The following DFFB variants were observed in gnomAD, a reference collection of about 807,000 sequenced individuals.
DFFB encodes DNA fragmentation factor 40 kDa subunit.
A neutral mutation model predicts 32.7 loss-of-function variants in DFFB; 29 were observed. The observed-to-expected ratio is 0.89, with a 90% CI of 0.66 to 1.21. DFFB has a LOEUF of 1.21. Ranked by LOEUF, DFFB falls within the 50% of genes most tolerant of loss-of-function variation. The pLI, the probability that DFFB is intolerant of heterozygous loss-of-function variation, is 0.00. For synonymous variants in DFFB, 170 were observed against 177.1 expected, an observed-to-expected ratio of 0.96 and a Z score of 0.32; for missense variants, 398 against 440.6, an observed-to-expected ratio of 0.90 and a Z score of 0.87.
chr1:3,883,291 C>T (rs1048486066), intron 6 of DFFB, among the ~76,000 whole-genome samples: 3 of 152,206 alleles, frequency 2.0e-5, no homozygotes, highest in Admixed American at 2.0e-4. Context: ...AGGCGTGAGC[C>T]GCCGTGCCCG....
chr1:3,859,299 T>C (rs947218206), intron 2 of DFFB, among the ~76,000 whole-genome samples: 5 of 152,122 alleles, frequency 3.3e-5, no homozygotes, highest in African/African-American at 1.2e-4. Context: ...GATGCTGTCC[T>C]CAGGGCTCAA....
chr1:3,883,543 G>A lies in DFFB; in HGVS notation c.819G>A (p.Val273=), dbSNP rs777915279. ...EKKRTIIPTL[V]EAIKEQDGRE... is the part of the protein sequence containing the mutation. ...AACGCACCATCATTCCTACACTGGT[G>A]GAAGCAATTAAGGAACAAGATGGAA... The change falls in exon 7 of 7, where the codon GTG becomes GTA. Residue 273 remains valine (V), a synonymous_variant. Transcript: ENST00000378209. The A allele has an allele frequency of 6.8e-6, 11 of 1,614,086 alleles. No individual in the cohort carries two copies. The highest frequency in any genetic ancestry group is 9.3e-6 in the Non-Finnish European group (11 of 1,180,038).
intron 4 of DFFB, 52 bp from the exon 5 acceptor site, chr1:3,869,553 G>A: frequency 5.1e-6 from 8 of 1,555,470 alleles, no homozygotes; most frequent in East Asian, 2.3e-5. Context: ...GAGCCAGTGC[G>A]GGTTTTGGGG....
At position 3,872,587 on chromosome 1, in the gene DFFB, C is replaced by A; in HGVS notation, c.782+15C>A. 1 of 1,579,932 alleles carries A rather than the reference C, an allele frequency of 6.3e-7. No homozygotes were observed. ...CTGGATCACATGTAAGCTCACAGAGCGAGGTTCAGACCCACGAGTGCCTGC... is the reference window on the plus strand; with the variant it reads ...CTGGATCACATGTAAGCTCACAGAGAGAGGTTCAGACCCACGAGTGCCTGC... On this transcript the variant is annotated intron_variant, in intron 6 of 6. Coordinates refer to ENST00000378209, the MANE Select transcript of DFFB (RefSeq NM_004402.4).
intron 6 of DFFB, among the ~76,000 whole-genome samples, chr1:3,874,304 G>C: frequency 8.0e-6 from 1 of 124,478 alleles, no homozygotes; most frequent in African/African-American, 3.2e-5. Context: ...TACCACACGC[G>C]TGTGGGTTTA....
At position 3,885,256 on chromosome 1, in the gene DFFB, TAC is replaced by T. The variant is rs1638348681; in HGVS notation, c.*1517_*1518del. 1 of 152,190 alleles carries T rather than the reference TAC, an allele frequency of 6.6e-6. No homozygotes were observed. The highest frequency in any genetic ancestry group is 1.5e-5 in the Non-Finnish European group (1 of 68,022). 9.4% of individuals were successfully genotyped at this position (152,190 alleles called of 1,614,324 possible). Reference sequence around the variant, plus strand: ...GGGGGATACGGGGGTTGGGCTAGATTACAGAGGGCTCATTTTCTACGTCATGT... The same window carrying T: ...GGGGGATACGGGGGTTGGGCTAGATTAGAGGGCTCATTTTCTACGTCATGT... On this transcript the variant is annotated 3_prime_UTR_variant, in exon 7 of 7. Coordinates refer to ENST00000378209, the MANE Select transcript of DFFB (RefSeq NM_004402.4).
chr1:3,861,388 A>G (rs1644877967), intron 2 of DFFB, among the ~76,000 whole-genome samples: 1 of 152,126 alleles, frequency 6.6e-6, no homozygotes, highest in South Asian at 2.1e-4. Context: ...ACTATTACAA[A>G]TGAAGCTGCT....
At chr1:3,869,412 A>AT (rs1295165192) in intron 4 of DFFB, among the ~76,000 whole-genome samples, 193 bp from the exon 5 acceptor site, 1 of 152,112 alleles carries the variant, frequency 6.6e-6, no homozygotes. Context: ...GGTTCCCTCC[A>AT]TTTCACAGGT....
rs773935452 is a variant in DFFB, at chr1:3,857,722, C to A, written c.114+5C>A. 5 of 1,516,252 alleles carry A rather than the reference C, an allele frequency of 3.3e-6. No individual in the cohort carries two copies. The East Asian group carries it at 1.0e-4, about 31-fold the overall frequency. The allele number at this position is 1,516,252 out of a possible 1,614,324, so 93.9% of individuals were successfully genotyped here. On this transcript the variant is annotated splice_donor_5th_base_variant and intron_variant, in intron 1 of 6. Transcript: ENST00000378209. ...AAGGGCTGTCTCCGCTTCCAGGTGC[C>A]CGCTGGGCTAGGCGGGGACGGCCCG...
chr1:3,880,959 C>T (rs1156461722), intron 6 of DFFB, among the ~76,000 whole-genome samples: 2 of 152,204 alleles, frequency 1.3e-5, no homozygotes, highest in South Asian at 4.1e-4. Flanking sequence ...GGGCCGTACA[C>T]CCTGCGTTCT....
chr1:3,860,518 T>C (rs1292361457), intron 2 of DFFB: 1 of 419,210 alleles, frequency 2.4e-6, no homozygotes, highest in Non-Finnish European at 4.9e-6. Context: ...TATGAGCCAC[T>C]GTGCCTGGCC....
chr1:3,869,697 G>A lies in DFFB; in HGVS notation c.603G>A (p.Gln201=), dbSNP rs1645072536. 1.2e-6 allele frequency: 2 copies of A among 1,613,182 alleles called. No individual in the cohort carries two copies. Among genetic ancestry groups the A allele is most frequent in the Non-Finnish European group, 1.7e-6 (2 of 1,179,660 alleles). Reference sequence around the variant, plus strand: ...TGTGCCAGAGGCTCCGGTCCATGCAGTACAATGGCAGCTACTTCGACAGAG... The same window carrying A: ...TGTGCCAGAGGCTCCGGTCCATGCAATACAATGGCAGCTACTTCGACAGAG... ...GSMCQRLRSM[Q]YNGSYFDRGA... Residue 201 remains glutamine (Q), a synonymous_variant, in exon 5 of 7, where the codon CAG becomes CAA. Coordinates refer to ENST00000378209, the MANE Select transcript of DFFB (RefSeq NM_004402.4).
chr1:3,869,250 G>T (rs1027700921), intron 4 of DFFB, among the ~76,000 whole-genome samples: 2 of 152,198 alleles, frequency 1.3e-5, no homozygotes, highest in African/African-American at 4.8e-5. Context: ...TAGTAGAAAT[G>T]GGGTTTCACC....
Position 3,857,663 on chromosome 1 carries a change from C to A in DFFB, c.60C>A (p.Gly20=). 1 of 1,597,140 alleles carries A rather than the reference C, an allele frequency of 6.3e-7. No homozygotes were observed. Among genetic ancestry groups the A allele is most frequent in the Non-Finnish European group, 8.5e-7 (1 of 1,172,548 alleles). The change falls in exon 1 of 7, where the codon GGC becomes GGA. Residue 20 remains glycine, a synonymous_variant. Transcript: ENST00000378209. ...LRALRSPRKF[G]VAGRSCQEVL... ...CCCTGCGCAGCCCGAGGAAGTTCGGCGTGGCTGGCCGGAGCTGCCAGGAGG... is the reference window on the plus strand; with the variant it reads ...CCCTGCGCAGCCCGAGGAAGTTCGGAGTGGCTGGCCGGAGCTGCCAGGAGG...
At position 3,865,564 on chromosome 1, in the gene DFFB, T is replaced by C. The variant is rs1644960386; in HGVS notation, c.242-248T>C. ...AAATGGGAAAGCGGCCGTCTCTTGGTGCGCTTTCATCTGTCCTCTAAAGCA... is the reference window on the plus strand; with the variant it reads ...AAATGGGAAAGCGGCCGTCTCTTGGCGCGCTTTCATCTGTCCTCTAAAGCA... On this transcript the variant is annotated intron_variant, in intron 2 of 6. Coordinates refer to ENST00000378209, the MANE Select transcript of DFFB (RefSeq NM_004402.4). This position sits in a 1 kb window ranked among gnomAD's most constrained non-coding sequence, Gnocchi z 4.7. 4 of 612,890 alleles carry C rather than the reference T, an allele frequency of 6.5e-6. No individual in the cohort carries two copies. Among genetic ancestry groups the C allele is most frequent in the South Asian group, 5.8e-5 (3 of 51,764 alleles). The allele number at this position is 612,890 out of a possible 1,614,324, so 38.0% of individuals were successfully genotyped here.
chr1:3,877,760 C>T (rs536510158), intron 6 of DFFB, among the ~76,000 whole-genome samples: 55 of 152,256 alleles, frequency 3.6e-4, no homozygotes, highest in African/African-American at 1.1e-3. Flanking sequence ...GCCTGCCTTT[C>T]GTTGTGGTCT....
intron 3 of DFFB, 125 bp from the exon 4 acceptor site, chr1:3,867,849 T>A (rs1645014634): frequency 3.6e-6 from 3 of 825,002 alleles, no homozygotes; most frequent in Non-Finnish European, 6.2e-6. Flanking sequence ...CAAGACCCTG[T>A]CAAAAAGATG....
chr1:3,861,093 G>T (rs1203699728), intron 2 of DFFB, among the ~76,000 whole-genome samples: 1 of 149,304 alleles, frequency 6.7e-6, no homozygotes, highest in African/African-American at 2.5e-5. Context: ...GGTGGAGGTT[G>T]CAGTGAGCTG....
chr1:3,873,017 T>TG (rs766250360), intron 6 of DFFB: 155 of 1,269,142 alleles, frequency 1.2e-4, no homozygotes, highest in Non-Finnish European at 1.4e-4. Flanking sequence ...CTTTTAGAGA[T>TG]GGAGTCTTGC....
Sources: allele counts gnomAD v4.1 joint callset (sites outside exome capture counted in the v4.1 genomes callset), GRCh38; gene constraint gnomAD v4.1.1; non-coding constraint Gnocchi (gnomAD v3.1); transcripts MANE v1.5; gene names NCBI Gene and HGNC (gene_info 2026-07-23, HGNC 2026-07-21).